NFATC2: variants seen among roughly 807,000 people sequenced by gnomAD.
NFATC2 encodes nuclear factor of activated T cells 2.
NFATC2 carries 22 observed loss-of-function variants against 87.3 expected under a neutral mutation model. The ratio of observed to expected loss-of-function variants is 0.25; its 90% CI spans 0.18 to 0.36. The LOEUF is 0.36. NFATC2 is among the 10% of genes least tolerant of loss of function. The probability of loss-of-function intolerance (pLI) is 1.00; values close to 1 mark genes in which losing one functional copy is unlikely to be tolerated. For synonymous variants in NFATC2, 565 were observed against 542.2 expected (o/e 1.04, Z -0.58); for missense variants, 1,149 against 1,259.1 (o/e 0.91, Z 1.32).
intron 3 of NFATC2, among the ~76,000 whole-genome samples, chr20:51,495,990 G>A (rs1457490362): frequency 6.6e-6 from 1 of 152,184 alleles, no homozygotes; most frequent in Non-Finnish European, 1.5e-5. Flanking sequence ...ACACTTGGAC[G>A]TGAAGGTCAG....
At chr20:51,419,921 CAA>C (rs1980624432) in intron 9 of NFATC2, among the ~76,000 whole-genome samples, 2 of 149,878 alleles carry the variant, frequency 1.3e-5, no homozygotes, top group South Asian at 4.3e-4. Context: ...TTCAGTCCTT[CAA>C]ATGATAAGGA....
chr20:51,398,742 T>G lies in NFATC2; in HGVS notation c.2723-12A>C. 1 of 1,590,822 alleles carries G rather than the reference T, an allele frequency of 6.3e-7. No homozygotes were observed. The highest frequency in any genetic ancestry group is 1.1e-5 in the South Asian group (1 of 90,506). On this transcript the variant is annotated splice_polypyrimidine_tract_variant and intron_variant, in intron 9 of 10. Transcript: ENST00000371564. ...TGTGTCTATCAGCTCTGAAAAAGAT[T>G]TGCAAAATCATTTTTGAGAAGAAAA... is the stretch of plus-strand genomic sequence containing the variant.
chr20:51,401,359 G>C (rs1335389416), intron 9 of NFATC2, among the ~76,000 whole-genome samples: 1 of 151,982 alleles, frequency 6.6e-6, no homozygotes, highest in Non-Finnish European at 1.5e-5. Context: ...TAAATGAGAT[G>C]CTATAGCTGG....
At chr20:51,467,803 C>T (rs763040999) in intron 5 of NFATC2, among the ~76,000 whole-genome samples, 1 of 152,142 alleles carries the variant, frequency 6.6e-6, no homozygotes. Flanking sequence ...ACAACCAAGT[C>T]CCTTCCTAGG....
intron 9 of NFATC2, among the ~76,000 whole-genome samples, chr20:51,428,819 G>A (rs947529959): frequency 1.3e-5 from 2 of 152,174 alleles, no homozygotes; most frequent in Non-Finnish European, 2.9e-5. Flanking sequence ...AGTTTCCAAG[G>A]AAAGCCCACT....
At chr20:51,552,477 C>T (rs971628027) in intron 1 of NFATC2, among the ~76,000 whole-genome samples, 1 of 152,186 alleles carries the variant, frequency 6.6e-6, no homozygotes, top group South Asian at 2.1e-4. Flanking sequence ...GACTTGCACT[C>T]CAATCTATCA....
At chr20:51,435,065 G>C in intron 8 of NFATC2, 123 bp downstream of exon 8, 2 of 1,199,810 alleles carry the variant, frequency 1.7e-6, no homozygotes, top group Non-Finnish European at 2.4e-6. Flanking sequence ...TGATGCAACT[G>C]AGGCTCAGAG....
chr20:51,403,584 A>T lies in NFATC2; in HGVS notation c.2723-4854T>A, dbSNP rs530370553. Among the ~76,000 whole-genome samples, 10 of 152,264 alleles carry T rather than the reference A, an allele frequency of 6.6e-5. No homozygotes were observed. In the South Asian group the frequency reaches 2.1e-3, roughly 32 times the overall value. ...AACCACTCTGTGATGGTATTTGGAG[A>T]TGGGGCCTTTGGGAGATAATTAGGA... On this transcript the variant is annotated intron_variant, in intron 9 of 10. Transcript: ENST00000371564.
In NFATC2 at chr20:51,542,689, G is replaced by GCGGCGGCGA. The variant is rs1270368798; in HGVS notation, c.-199_-191dup. On this transcript the variant is annotated 5_prime_UTR_variant, in exon 1 of 11. Transcript: ENST00000371564. ...TGGACGCGCCCGGGGAAGCTGAGCG[G>GCGGCGGCGA]CGGCGGCGACGGCGGCGCGAGCTTC... is the stretch of plus-strand genomic sequence containing the variant. 1,158 of 1,134,274 alleles carry GCGGCGGCGA rather than the reference G, an allele frequency of 1.0e-3. No homozygotes were observed. Among genetic ancestry groups the GCGGCGGCGA allele is most frequent in the Non-Finnish European group, 1.2e-3 (1,087 of 925,938 alleles). 70.3% of individuals were successfully genotyped at this position (1,134,274 alleles called of 1,614,324 possible).
chr20:51,540,237 T>C (rs1287936375), intron 1 of NFATC2, among the ~76,000 whole-genome samples: 2 of 152,096 alleles, frequency 1.3e-5, no homozygotes, highest in Non-Finnish European at 2.9e-5. Flanking sequence ...GGTCTTGACC[T>C]CCTGACCTCA....
intron 3 of NFATC2, among the ~76,000 whole-genome samples, chr20:51,508,465 T>A (rs537373838): frequency 6.6e-6 from 1 of 152,272 alleles, no homozygotes; most frequent in South Asian, 2.1e-4. Context: ...TGGACTGTAG[T>A]CTTTTTCAAA....
At chr20:51,457,212 C>G (rs1169727328) in intron 5 of NFATC2, among the ~76,000 whole-genome samples, 1 of 152,240 alleles carries the variant, frequency 6.6e-6, no homozygotes, top group Non-Finnish European at 1.5e-5. Flanking sequence ...GCTGCAGGTT[C>G]AGGCTTTGAA....
intron 3 of NFATC2, among the ~76,000 whole-genome samples, chr20:51,479,239 C>G (rs920444502): frequency 6.6e-6 from 1 of 152,196 alleles, no homozygotes; most frequent in Non-Finnish European, 1.5e-5. Context: ...TCTCTCCTGC[C>G]TGAACGTGAG....
intron 9 of NFATC2, among the ~76,000 whole-genome samples, chr20:51,400,981 G>C (rs1987972389): frequency 6.6e-6 from 1 of 151,908 alleles, no homozygotes; most frequent in Non-Finnish European, 1.5e-5. Context: ...AGAAGCTGTT[G>C]GAACATAAGC....
At chr20:51,561,491 G>GAAAGAAAGAAAGAAAA (rs1568765976) in intron 1 of NFATC2, among the ~76,000 whole-genome samples, 1 of 95,146 alleles carries the variant, frequency 1.1e-5, no homozygotes, top group East Asian at 3.1e-4. Context: ...AAGAAAGCAA[G>GAAAGAAAGAAAGAAAA]CAAGCAAGCA....
At chr20:51,542,056 G>A (rs1382978466) in intron 1 of NFATC2, among the ~76,000 whole-genome samples, 1 of 152,188 alleles carries the variant, frequency 6.6e-6, no homozygotes, top group Non-Finnish European at 1.5e-5. Flanking sequence ...TCCCAGGCAA[G>A]AGGCCAGCAG....
At chr20:51,404,128 A>C (rs1988326541) in intron 9 of NFATC2, among the ~76,000 whole-genome samples, 1 of 152,056 alleles carries the variant, frequency 6.6e-6, no homozygotes, top group Admixed American at 6.5e-5. Context: ...CTGCATCTGA[A>C]TCCTGCTTGT....
chr20:51,508,379 C>T (rs940250387), intron 3 of NFATC2, among the ~76,000 whole-genome samples: 1 of 152,176 alleles, frequency 6.6e-6, no homozygotes, highest in Non-Finnish European at 1.5e-5. Context: ...TCGACCACTG[C>T]GGGCATCCCT....
At chr20:51,420,068 A>G (rs979860133) in intron 9 of NFATC2, among the ~76,000 whole-genome samples, 19 of 151,654 alleles carry the variant, frequency 1.3e-4, no homozygotes, top group African/African-American at 4.4e-4. Flanking sequence ...TCACTGTAAG[A>G]TATTAATGAA....
Sources: allele counts gnomAD v4.1 joint callset (sites outside exome capture counted in the v4.1 genomes callset), GRCh38; gene constraint gnomAD v4.1.1; transcripts MANE v1.5; gene names NCBI Gene and HGNC (gene_info 2026-07-23, HGNC 2026-07-21).